SPON1: variants seen among roughly 807,000 people sequenced by gnomAD.
The protein encoded by SPON1 is spondin 1, also known as spondin-1.
In SPON1, 52 loss-of-function variants were observed where a neutral mutation model predicts 111.7. The observed-to-expected ratio is 0.47, with a 90% CI of 0.37 to 0.59. The LOEUF (loss-of-function observed/expected upper bound fraction) is 0.59. Ranked by LOEUF, SPON1 falls within the 20% of genes least tolerant of loss-of-function variation. The pLI is 0.00. For synonymous variants in SPON1, 410 were observed against 395.8 expected (o/e 1.04, Z -0.43); for missense variants, 957 against 1,068.5 (o/e 0.90, Z 1.46).
intron 2 of SPON1, among the ~76,000 whole-genome samples, chr11:13,991,632 G>C (rs1848231145): frequency 6.6e-6 from 1 of 152,182 alleles, no homozygotes; most frequent in South Asian, 2.1e-4. Context: ...GTGAGGAGTT[G>C]CGATCCTTTG....
rs1329563406 is a variant in SPON1, at chr11:13,962,801, T to C, written c.-104T>C. 1.8e-6 allele frequency: 2 copies of C among 1,121,244 alleles called. No individual in the cohort carries two copies. The highest frequency in any genetic ancestry group is 3.3e-5 in the African/African-American group (2 of 60,126). 69.5% of individuals were successfully genotyped at this position (1,121,244 alleles called of 1,614,324 possible). ...GCGGACGCCAGCTCCGAGCTCCCTC[T>C]CTCCGCCGCGCCTCCGCCAGGTCGC... On this transcript the variant is annotated 5_prime_UTR_variant, in exon 1 of 16. Transcript: ENST00000576479.
intron 5 of SPON1, among the ~76,000 whole-genome samples, chr11:14,105,127 G>T (rs1849175010): frequency 6.6e-6 from 1 of 151,890 alleles, no homozygotes; most frequent in African/African-American, 2.4e-5. Context: ...TTTATTAATG[G>T]TTACATTTTT....
At chr11:14,024,323 T>C (rs1554915062) in intron 2 of SPON1, among the ~76,000 whole-genome samples, 1 of 152,192 alleles carries the variant, frequency 6.6e-6, no homozygotes, top group Non-Finnish European at 1.5e-5. Context: ...CAGAGGGCTT[T>C]CTGTATCCTG....
chr11:14,265,483 C>T (rs781944189), intron 15 of SPON1, 41 bp from the exon 16 acceptor site: 1 of 1,591,466 alleles, frequency 6.3e-7, no homozygotes, highest in Non-Finnish European at 8.6e-7. Flanking sequence ...CCTGTTCCGT[C>T]CCGTTTCTGC....
chr11:14,168,609 C>A (rs1202102184), intron 6 of SPON1, among the ~76,000 whole-genome samples: 1 of 151,914 alleles, frequency 6.6e-6, no homozygotes, highest in Non-Finnish European at 1.5e-5. Context: ...CCCATTAACT[C>A]GTCATTTAGC....
At chr11:14,243,833 T>C (rs910167675) in intron 7 of SPON1, among the ~76,000 whole-genome samples, 4 of 152,210 alleles carry the variant, frequency 2.6e-5, no homozygotes, top group Non-Finnish European at 5.9e-5. Flanking sequence ...AGAGAGATTT[T>C]ATCTGCCCTT....
At chr11:14,007,909 C>T (rs188337295) in intron 2 of SPON1, among the ~76,000 whole-genome samples, 9 of 152,270 alleles carry the variant, frequency 5.9e-5, no homozygotes, top group Non-Finnish European at 8.8e-5. Context: ...TCTCAAAGCT[C>T]CCTCTGCCAC....
chr11:14,240,238 C>G (rs1220935818), intron 6 of SPON1, among the ~76,000 whole-genome samples: 9 of 152,218 alleles, frequency 5.9e-5, no homozygotes, highest in African/African-American at 2.2e-4. Context: ...GAGCAAGATT[C>G]TCTCTGATCC....
intron 13 of SPON1, among the ~76,000 whole-genome samples, chr11:14,260,203 T>C (rs1484163112): frequency 1.3e-5 from 2 of 152,170 alleles, no homozygotes; most frequent in African/African-American, 4.8e-5. Context: ...TCTAGGGAAT[T>C]CAGGACAATG....
chr11:14,233,725 A>G (rs1554938970), intron 6 of SPON1, among the ~76,000 whole-genome samples: 1 of 147,046 alleles, frequency 6.8e-6, no homozygotes, highest in African/African-American at 2.5e-5. Flanking sequence ...GATGGGAATC[A>G]TGGTTGAGGA....
intron 7 of SPON1, among the ~76,000 whole-genome samples, chr11:14,249,430 G>A (rs1312763369): frequency 6.6e-6 from 1 of 152,318 alleles, no homozygotes; most frequent in Non-Finnish European, 1.5e-5. Context: ...GATGCCTCCT[G>A]GTTATAAACA....
Position 14,191,996 on chromosome 11 carries a change from T to G in SPON1, c.826-51336T>G, listed in dbSNP as rs551946148. 1.2e-3 allele frequency among the ~76,000 whole-genome samples: 185 copies of G among 152,238 alleles called. 1 individual carries two copies. The highest frequency in any genetic ancestry group is 4.2e-3 in the African/African-American group (176 of 41,536). ...TTGTATTTTGCCCTTATCAGTTTAG[T>G]AGTAAGAATGATCAACCAAAAGAAC... On this transcript the variant is annotated intron_variant, in intron 6 of 15. Transcript: ENST00000576479.
At chr11:14,006,137 A>C (rs1347045633) in intron 2 of SPON1, among the ~76,000 whole-genome samples, 1 of 152,166 alleles carries the variant, frequency 6.6e-6, no homozygotes, top group Non-Finnish European at 1.5e-5. Context: ...GGTAAGGAAA[A>C]GTGAGCTATA....
At chr11:14,204,138 G>A (rs1430388606) in intron 6 of SPON1, among the ~76,000 whole-genome samples, 7 of 152,194 alleles carry the variant, frequency 4.6e-5, no homozygotes, top group African/African-American at 1.2e-4. Flanking sequence ...GGGAGACCCC[G>A]ATAACCTAGA....
intron 6 of SPON1, among the ~76,000 whole-genome samples, chr11:14,183,659 G>T (rs1217860449): frequency 6.6e-6 from 1 of 152,182 alleles, no homozygotes; most frequent in Non-Finnish European, 1.5e-5. Context: ...CAACAGCCCT[G>T]TGAGCTGTGG....
At chr11:14,165,121 T>C (rs782736435) in intron 6 of SPON1, among the ~76,000 whole-genome samples, 2 of 152,202 alleles carry the variant, frequency 1.3e-5, no homozygotes, top group Non-Finnish European at 2.9e-5. Context: ...CAAAGGGCTG[T>C]TACCATCTTC....
chr11:14,156,526 T>C (rs1454960285), intron 6 of SPON1, among the ~76,000 whole-genome samples: 4 of 151,006 alleles, frequency 2.6e-5, no homozygotes, highest in South Asian at 2.1e-4. Flanking sequence ...ATTTTGGCTT[T>C]TGTTGCCATT....
At chr11:14,192,626 G>T (rs915273466) in intron 6 of SPON1, among the ~76,000 whole-genome samples, 1 of 150,490 alleles carries the variant, frequency 6.6e-6, no homozygotes, top group African/African-American at 2.5e-5. Context: ...CCTCCCTCAC[G>T]GTACACCCTC....
At chr11:13,980,412 C>CA (rs1389013702) in intron 1 of SPON1, among the ~76,000 whole-genome samples, 1 of 152,128 alleles carries the variant, frequency 6.6e-6, no homozygotes, top group African/African-American at 2.4e-5. Context: ...GATAACCGGC[C>CA]AATCACAGCA....
Sources: gnomAD v4.1 joint callset for allele counts (sites outside exome capture counted in the v4.1 genomes callset) on GRCh38, gnomAD v4.1.1 for gene constraint, MANE v1.5 for transcripts, NCBI Gene and HGNC (gene_info 2026-07-23, HGNC 2026-07-21) for gene names.